ABL2: variants seen among roughly 807,000 people sequenced by gnomAD.
The protein encoded by ABL2 is ABL proto-oncogene 2, non-receptor tyrosine kinase, also known as tyrosine-protein kinase ABL2.
Under a neutral mutation model 107.7 loss-of-function variants are expected in ABL2, and 49 were observed. The ratio of observed to expected loss-of-function variants is 0.45; its 90% CI spans 0.36 to 0.58. The LOEUF is 0.58. Among genes scored for constraint, ABL2 ranks in the 20% least tolerant of loss-of-function variants. The pLI, the probability that ABL2 is intolerant of heterozygous loss-of-function variation, is 0.00. For missense variants in ABL2, 1,245 were observed against 1,457.0 expected, an observed-to-expected ratio of 0.85 and a Z score of 2.37; for synonymous variants, 549 against 548.6, an observed-to-expected ratio of 1.00 and a Z score of -0.01.
rs752558701 is a variant in ABL2, at chr1:179,109,308, G to A, written c.1959C>T (p.Phe653=). 1.9e-6 allele frequency: 3 copies of A among 1,614,030 alleles called. No homozygotes were observed. Among genetic ancestry groups the A allele is most frequent in the South Asian group, 2.2e-5 (2 of 91,062 alleles). The change falls in exon 12 of 12, where the codon TTC becomes TTT. Residue 653 remains phenylalanine, a synonymous_variant. Transcript: ENST00000502732. ...CATTTCTCTTCTTCATGAAGGAGCTGAAGAAGCCCCCCTTCCTATCCCTGG... is the reference window on the plus strand; with the variant it reads ...CATTTCTCTTCTTCATGAAGGAGCTAAAGAAGCCCCCCTTCCTATCCCTGG... The part of the protein sequence containing the change: ...CFTRDRKGGF[F]SSFMKKRNAP...
chr1:179,133,697 T>C (rs907222344), intron 1 of ABL2, among the ~76,000 whole-genome samples: 10 of 152,234 alleles, frequency 6.6e-5, no homozygotes, highest in African/African-American at 2.2e-4. Flanking sequence ...ATGAGGAATA[T>C]GTTCCAAGAC....
At chr1:179,125,434 C>T (rs1396588812) in intron 4 of ABL2, among the ~76,000 whole-genome samples, 6 of 152,156 alleles carry the variant, frequency 3.9e-5, no homozygotes, top group African/African-American at 1.4e-4. Flanking sequence ...CATTCCTATA[C>T]ATGTCTTCTG....
chr1:179,144,895 T>C (rs1657882728), intron 1 of ABL2, among the ~76,000 whole-genome samples: 1 of 152,212 alleles, frequency 6.6e-6, no homozygotes. Context: ...ATCCACATTC[T>C]ATCCATATGT....
In ABL2 at chr1:179,117,507, T is replaced by C. The variant is rs1403533101; in HGVS notation, c.1233A>G (p.Ala411=). Residue 411 remains alanine (A), a synonymous_variant, in exon 8 of 12, where the codon GCA becomes GCG. Coordinates refer to ENST00000502732, the MANE Select transcript of ABL2 (RefSeq NM_007314.4). ...EKKNFIHRDL[A]ARNCLVGENH... ...TTTCTCCCACTAGGCAGTTACGAGC[T>C]GCAAGATCTCTGTGGGAAAGAGAAC... 4 of 1,614,094 alleles carry C rather than the reference T, an allele frequency of 2.5e-6. No homozygotes were observed.
rs55892721 is a variant in ABL2, at chr1:179,108,917, T to C, written c.2350A>G (p.Thr784Ala). ...GGAAGCCCTGAGGACATGGAAGATG[T>C]AGAGTTTGACCTTGGAAAAGGCTTG... ...TSKPFPRSNSTSSMSSGLPEQ... is the reference protein window; with the variant it reads ...TSKPFPRSNSASSMSSGLPEQ... Residue 784 changes from threonine (T) to alanine (A), a missense_variant, in exon 12 of 12, where the codon ACA becomes GCA. Transcript: ENST00000502732. 3 of 1,614,084 alleles carry C rather than the reference T, an allele frequency of 1.9e-6. No individual in the cohort carries two copies. The highest frequency in any genetic ancestry group is 2.7e-5 in the African/African-American group (2 of 75,024).
chr1:179,156,834 C>T lies in ABL2; in HGVS notation c.158-23460G>A, dbSNP rs1480006554. Among the ~76,000 whole-genome samples the T allele has an allele frequency of 7.9e-5, 12 of 151,570 alleles. No homozygotes were observed. In the South Asian group the frequency reaches 2.1e-3, roughly 26 times the overall value. On this transcript the variant is annotated intron_variant, in intron 1 of 11. Transcript: ENST00000502732. ...CAGAGGCTGCAGTGAGCTGAGATGG[C>T]GCCACTGCATTCCCACTTGGGCAAC...
chr1:179,109,107 C>T lies in ABL2; in HGVS notation c.2160G>A (p.Gly720=). The change falls in exon 12 of 12, where the codon GGG becomes GGA. Residue 720 remains glycine (G), a synonymous_variant. Coordinates refer to ENST00000502732, the MANE Select transcript of ABL2 (RefSeq NM_007314.4). ...ANLVPPKCYG[G]SFAQRNLCND... ...TACAGAGGTTCCTCTGTGCAAAGCT[C>T]CCCCCATAGCACTTGGGTGGCACCA... 1 of 1,598,352 alleles carries T rather than the reference C, an allele frequency of 6.3e-7. No individual in the cohort carries two copies. Among genetic ancestry groups the T allele is most frequent in the Non-Finnish European group, 8.5e-7 (1 of 1,171,392 alleles).
intron 1 of ABL2, among the ~76,000 whole-genome samples, chr1:179,179,806 A>T (rs955241517): frequency 3.9e-5 from 6 of 152,134 alleles, no homozygotes; most frequent in Non-Finnish European, 8.8e-5. Context: ...CTTTCATTCA[A>T]GAAATATGTC....
At chr1:179,120,983 C>T (rs1355009574) in intron 5 of ABL2, among the ~76,000 whole-genome samples, 1 of 150,970 alleles carries the variant, frequency 6.6e-6, no homozygotes, top group East Asian at 1.9e-4. Context: ...TATATTGCTT[C>T]ACACTCAGAA....
chr1:179,131,531 A>G lies in ABL2; in HGVS notation c.221-50T>C, dbSNP rs1446095659. 3.8e-6 allele frequency: 6 copies of G among 1,577,268 alleles called. 1 individual carries two copies. The highest frequency in any genetic ancestry group is 5.2e-6 in the Non-Finnish European group (6 of 1,147,396). On this transcript the variant is annotated intron_variant, in intron 2 of 11. Coordinates refer to ENST00000502732, the MANE Select transcript of ABL2 (RefSeq NM_007314.4). Reference sequence around the variant, plus strand: ...AATTCACGGTGAGTTCAACAGCGAAACATTTGTTTGAATTCATTATATACA... The same window carrying G: ...AATTCACGGTGAGTTCAACAGCGAAGCATTTGTTTGAATTCATTATATACA...
At chr1:179,181,643 T>C (rs946871302) in intron 1 of ABL2, among the ~76,000 whole-genome samples, 4 of 152,214 alleles carry the variant, frequency 2.6e-5, no homozygotes, top group Non-Finnish European at 4.4e-5. Context: ...CTCAATTTCA[T>C]GCAACTCTTT....
rs1332121972 is a variant in ABL2, at chr1:179,229,563, C to G, written c.-166G>C. 1.1e-5 allele frequency: 7 copies of G among 634,662 alleles called. No homozygotes were observed. In the African/African-American group the frequency reaches 1.2e-4, roughly 11 times the overall value. 39.3% of individuals were successfully genotyped at this position (634,662 alleles called of 1,614,324 possible). On this transcript the variant is annotated 5_prime_UTR_variant, in exon 1 of 12. Transcript: ENST00000502732. ...CCGCACCCGGCCTCCTCACGGCAGC[C>G]GCCGCGCTGCCTCCAGGCGACTCAC... is the stretch of plus-strand genomic sequence containing the variant.
At chr1:179,167,771 A>C (rs1455802093) in intron 1 of ABL2, among the ~76,000 whole-genome samples, 3 of 152,212 alleles carry the variant, frequency 2.0e-5, no homozygotes, top group Non-Finnish European at 2.9e-5. Flanking sequence ...CTTGAGGCCA[A>C]GAGTTCAAGA....
At chr1:179,110,694 G>C in intron 10 of ABL2, 1 of 1,592,904 alleles carries the variant, frequency 6.3e-7, no homozygotes, top group East Asian at 2.2e-5. Context: ...ATGCCAACGT[G>C]TGAATATACC....
intron 6 of ABL2, 101 bp from the exon 7 acceptor site, chr1:179,118,865 G>A (rs983520307): frequency 5.9e-5 from 76 of 1,280,784 alleles, no homozygotes; most frequent in Non-Finnish European, 8.2e-5. Flanking sequence ...GTCTAGTTCG[G>A]CAATAATCTT....
In ABL2 at chr1:179,229,328, C is replaced by G; in HGVS notation, c.70G>C (p.Gly24Arg). The change falls in exon 1 of 12, where the codon GGC becomes CGC. Residue 24 changes from glycine (G) to arginine (R), a missense_variant. Around this residue, in one of 3 missense-constraint regions of ABL2, gnomAD observed 164 missense variants for 143.7 expected, o/e 1.14. Coordinates refer to ENST00000502732, the MANE Select transcript of ABL2 (RefSeq NM_007314.4). ...CCGGAGGGCCTGGCTGCACTGCTGCCCCGGATCCCGCGGGGCTGAGGCTGC... is the reference window on the plus strand; with the variant it reads ...CCGGAGGGCCTGGCTGCACTGCTGCGCCGGATCCCGCGGGGCTGAGGCTGC... ...LQQPQPRGIR[G>R]SSAARPSGRR... 6.3e-7 allele frequency: 1 copy of G among 1,585,004 alleles called. No individual in the cohort carries two copies. Among genetic ancestry groups the G allele is most frequent in the Non-Finnish European group, 8.6e-7 (1 of 1,168,458 alleles).
At chr1:179,218,154 G>C (rs761855289) in intron 1 of ABL2, among the ~76,000 whole-genome samples, 1 of 151,508 alleles carries the variant, frequency 6.6e-6, no homozygotes, top group Non-Finnish European at 1.5e-5. Flanking sequence ...TGAGTCAGCA[G>C]AACTGTTTTC....
chr1:179,201,728 T>G, intron 1 of ABL2: 1 of 722,946 alleles, frequency 1.4e-6, no homozygotes, highest in South Asian at 1.4e-5. Context: ...TGCAGCAAGT[T>G]TCTTTAGTCA....
At chr1:179,223,606 C>T (rs1395299650) in intron 1 of ABL2, among the ~76,000 whole-genome samples, 1 of 151,838 alleles carries the variant, frequency 6.6e-6, no homozygotes, top group African/African-American at 2.4e-5. Context: ...CTATAACTTA[C>T]ACAGATTTGG....
Sources: allele counts gnomAD v4.1 joint callset (sites outside exome capture counted in the v4.1 genomes callset), GRCh38; gene constraint gnomAD v4.1.1; regional missense constraint gnomAD v4.1.1; transcripts MANE v1.5; gene names NCBI Gene and HGNC (gene_info 2026-07-23, HGNC 2026-07-21).